Variants in GSG1L observed in about 807,000 individuals in gnomAD.
GSG1L encodes GSG1 like.
GSG1L carries 24 observed loss-of-function variants against 42.1 expected under a neutral mutation model. The ratio of observed to expected loss-of-function variants is 0.57; its 90% CI spans 0.41 to 0.80. The LOEUF is 0.80. GSG1L is among the 30% of genes least tolerant of loss of function. GSG1L has a pLI of 0.00. For synonymous variants in GSG1L, 215 were observed against 203.5 expected (o/e 1.06, Z -0.48); for missense variants, 445 against 472.2 (o/e 0.94, Z 0.53).
chr16:27,850,520 G>T (rs1166177576), intron 3 of GSG1L: 2 of 455,804 alleles, frequency 4.4e-6, no homozygotes, highest in Admixed American at 4.7e-5. Context: ...AGGGTCCCAG[G>T]ATGAAGCCAA....
At chr16:27,951,792 AAATT>A (rs1016301758) in intron 2 of GSG1L, among the ~76,000 whole-genome samples, 1 of 152,170 alleles carries the variant, frequency 6.6e-6, no homozygotes, top group Non-Finnish European at 1.5e-5. Context: ...AGCACTAAAT[AAATT>A]AAGTGAGCAG....
chr16:27,914,688 T>A (rs575132047), intron 2 of GSG1L, among the ~76,000 whole-genome samples: 82 of 152,218 alleles, frequency 5.4e-4, no homozygotes, highest in Non-Finnish European at 7.8e-4. Flanking sequence ...CATGCCTGGA[T>A]AATTTAGGAG....
chr16:27,831,262 G>A (rs1405344593), intron 4 of GSG1L, among the ~76,000 whole-genome samples: 1 of 152,160 alleles, frequency 6.6e-6, no homozygotes, highest in Non-Finnish European at 1.5e-5. Context: ...CATGAAAAGG[G>A]GCTGGATCCC....
chr16:27,807,139 G>A (rs996703525), intron 6 of GSG1L, among the ~76,000 whole-genome samples: 2 of 152,142 alleles, frequency 1.3e-5, no homozygotes, highest in African/African-American at 4.8e-5. Flanking sequence ...TCCTGTCCAC[G>A]GTCACCTCCC....
intron 5 of GSG1L, among the ~76,000 whole-genome samples, chr16:27,820,994 T>G (rs1301295543): frequency 6.6e-6 from 1 of 152,110 alleles, no homozygotes; most frequent in Non-Finnish European, 1.5e-5. Context: ...ATAGCCTTCC[T>G]CACCCACTGC....
intron 3 of GSG1L, among the ~76,000 whole-genome samples, chr16:27,858,142 T>C (rs2083603167): frequency 6.6e-6 from 1 of 152,238 alleles, no homozygotes; most frequent in South Asian, 2.1e-4. Flanking sequence ...GCGGCAACGC[T>C]GGGACTCCAT....
intron 2 of GSG1L, among the ~76,000 whole-genome samples, chr16:27,961,497 C>T (rs1045210242): frequency 2.0e-5 from 3 of 152,206 alleles, no homozygotes; most frequent in African/African-American, 7.2e-5. Context: ...AGGTGTGAGA[C>T]CTAAGTGACT....
chr16:27,813,553 C>T (rs2083057811), intron 5 of GSG1L, among the ~76,000 whole-genome samples: 1 of 152,222 alleles, frequency 6.6e-6, no homozygotes, highest in Admixed American at 6.5e-5. Flanking sequence ...AGAGAGGAAG[C>T]TGAGCTCCAA....
At chr16:27,853,485 G>C (rs2140992254) in intron 3 of GSG1L, among the ~76,000 whole-genome samples, 1 of 152,328 alleles carries the variant, frequency 6.6e-6, no homozygotes, top group East Asian at 1.9e-4. Context: ...AGGACACGGG[G>C]AGGGGGGTGA....
At chr16:27,894,889 G>A (rs1160700127) in intron 2 of GSG1L, among the ~76,000 whole-genome samples, 2 of 152,178 alleles carry the variant, frequency 1.3e-5, no homozygotes, top group Admixed American at 1.3e-4. Context: ...GTGTCTGGGG[G>A]CAAGGTTGGT....
At chr16:27,810,449 A>G (rs1314462741) in intron 5 of GSG1L, among the ~76,000 whole-genome samples, 3 of 152,138 alleles carry the variant, frequency 2.0e-5, no homozygotes, top group Non-Finnish European at 2.9e-5. Context: ...CAGCCTGGGT[A>G]ACAGAGTGAT....
chr16:27,853,486 A>C (rs1291090099), intron 3 of GSG1L, among the ~76,000 whole-genome samples: 1 of 151,992 alleles, frequency 6.6e-6, no homozygotes, highest in Non-Finnish European at 1.5e-5. Flanking sequence ...GGACACGGGG[A>C]GGGGGGTGAG....
chr16:27,815,305 C>G (rs898884626), intron 5 of GSG1L, among the ~76,000 whole-genome samples: 1 of 152,112 alleles, frequency 6.6e-6, no homozygotes, highest in Non-Finnish European at 1.5e-5. Context: ...AGGAGCCTGG[C>G]ATCTCCACCT....
intron 2 of GSG1L, among the ~76,000 whole-genome samples, chr16:27,933,371 G>T (rs965355618): frequency 6.6e-6 from 1 of 152,130 alleles, no homozygotes; most frequent in African/African-American, 2.4e-5. Flanking sequence ...TGAAGGCCAA[G>T]TGTGGTTGCT....
chr16:27,976,647 C>T (rs898689929), intron 1 of GSG1L, among the ~76,000 whole-genome samples: 1 of 152,224 alleles, frequency 6.6e-6, no homozygotes, highest in Non-Finnish European at 1.5e-5. Flanking sequence ...CACATTGAGC[C>T]TTACACCTGC....
At chr16:28,005,148 T>C (rs1368546792) in intron 1 of GSG1L, among the ~76,000 whole-genome samples, 7 of 152,138 alleles carry the variant, frequency 4.6e-5, no homozygotes, top group Non-Finnish European at 1.5e-5. Context: ...AGTTTTGCTC[T>C]TGTTGCCCAG....
rs1345514855 is a variant in GSG1L at position 27,790,096 on chromosome 16, T to C, written c.*1274A>G. ...GATAGATGATGGATGGATGGAAGGATGGATGAATGAATGAATGATGGATGG... is the reference window on the plus strand; with the variant it reads ...GATAGATGATGGATGGATGGAAGGACGGATGAATGAATGAATGATGGATGG... On this transcript the variant is annotated 3_prime_UTR_variant, in exon 7 of 7. Coordinates refer to ENST00000447459, the MANE Select transcript of GSG1L (RefSeq NM_001109763.2). The C allele has an allele frequency of 2.0e-5, 3 of 151,212 alleles. No homozygotes were observed. The highest frequency in any genetic ancestry group is 4.4e-5 in the Non-Finnish European group (3 of 67,836). 9.4% of individuals were successfully genotyped at this position (151,212 alleles called of 1,614,324 possible). A position where few individuals can be genotyped will look rare whatever the true frequency, so the allele number is the denominator to read the frequency against.
chr16:27,803,434 G>A (rs368015825), intron 6 of GSG1L, among the ~76,000 whole-genome samples: 3 of 152,184 alleles, frequency 2.0e-5, no homozygotes, highest in African/African-American at 2.4e-5. Flanking sequence ...CAGGCTCGAC[G>A]CTGTGCCTTT....
rs1257905911 is a variant in GSG1L, at chr16:28,059,291, C to T, written c.349+3785G>A. ...TGAAGGAAACATGCTCCTTCCTACCCCAACGTCTCTGGGACTGTGGGAGGG... is the reference window on the plus strand; with the variant it reads ...TGAAGGAAACATGCTCCTTCCTACCTCAACGTCTCTGGGACTGTGGGAGGG... On this transcript the variant is annotated intron_variant, in intron 1 of 6. Transcript: ENST00000447459. This position sits in a 1 kb window ranked among gnomAD's most constrained non-coding sequence, Gnocchi z 4.4. Among the ~76,000 whole-genome samples, 1 of 152,126 alleles carries T rather than the reference C, an allele frequency of 6.6e-6. No individual in the cohort carries two copies. Among genetic ancestry groups the T allele is most frequent in the Non-Finnish European group, 1.5e-5 (1 of 68,034 alleles).
Sources: gnomAD v4.1 joint callset for allele counts (sites outside exome capture counted in the v4.1 genomes callset) on GRCh38, gnomAD v4.1.1 for gene constraint, Gnocchi (gnomAD v3.1) non-coding constraint, MANE v1.5 for transcripts, NCBI Gene and HGNC (gene_info 2026-07-23, HGNC 2026-07-21) for gene names.